Variants in AGTPBP1 observed in about 807,000 individuals in gnomAD.
The protein encoded by AGTPBP1 is ATP/GTP binding carboxypeptidase 1.
In AGTPBP1, 70 loss-of-function variants were observed where a neutral mutation model predicts 143.9. The observed-to-expected ratio is 0.49, with a 90% CI of 0.40 to 0.59. AGTPBP1 has a LOEUF of 0.59. Ranked by LOEUF, AGTPBP1 falls within the 20% of genes least tolerant of loss-of-function variation. The pLI is 0.00. For synonymous variants in AGTPBP1, 463 were observed against 500.2 expected (o/e 0.93, Z 0.99); for missense variants, 1,229 against 1,464.5 (o/e 0.84, Z 2.62).
At chr9:85,790,773 G>A in the AGTPBP1 span, among the ~76,000 whole-genome samples, 1 of 152,056 alleles carries the variant, frequency 6.6e-6, no homozygotes, top group Non-Finnish European at 1.5e-5. Flanking sequence ...CAGCTCTATT[G>A]AGTTATCTAC....
chr9:85,790,033 C>T, the AGTPBP1 span, among the ~76,000 whole-genome samples: 938 of 152,294 alleles, frequency 6.2e-3, 14 homozygotes, highest in African/African-American at 0.022. Context: ...CACAATTCCT[C>T]TCTCAACTTC....
the AGTPBP1 span, among the ~76,000 whole-genome samples, chr9:85,780,664 T>C: frequency 6.6e-6 from 1 of 152,082 alleles, no homozygotes; most frequent in East Asian, 1.9e-4. Context: ...TGAGGGTTGG[T>C]AGGGGGTAGG....
At chr9:85,596,069 A>G (rs938075836) in intron 18 of AGTPBP1, among the ~76,000 whole-genome samples, 4 of 152,354 alleles carry the variant, frequency 2.6e-5, no homozygotes, top group Non-Finnish European at 4.4e-5. Context: ...GTTTTATTCA[A>G]TAAAGTTTCC....
intron 2 of AGTPBP1, among the ~76,000 whole-genome samples, chr9:85,707,756 T>C (rs1837103051): frequency 6.6e-6 from 1 of 152,192 alleles, no homozygotes; most frequent in Non-Finnish European, 1.5e-5. Context: ...ATTATTGTAT[T>C]ACAGGCTAGA....
intron 25 of AGTPBP1, among the ~76,000 whole-genome samples, chr9:85,574,342 G>A (rs577154902): frequency 2.6e-5 from 4 of 152,088 alleles, no homozygotes; most frequent in Non-Finnish European, 4.4e-5. Flanking sequence ...GCGGAGGGCC[G>A]CAGGGTCCTC....
At chr9:85,702,502 A>G (rs934609055) in intron 2 of AGTPBP1, among the ~76,000 whole-genome samples, 1 of 151,074 alleles carries the variant, frequency 6.6e-6, no homozygotes, top group Non-Finnish European at 1.5e-5. Flanking sequence ...CTGACTCACA[A>G]TATCATCTCT....
chr9:85,657,686 G>GA, intron 9 of AGTPBP1, 43 bp from the exon 10 acceptor site: 2 of 1,424,328 alleles, frequency 1.4e-6, no homozygotes, highest in Non-Finnish European at 1.9e-6. Flanking sequence ...TTTAAATGAC[G>GA]AGAGTGAGTG....
the AGTPBP1 span, among the ~76,000 whole-genome samples, chr9:85,773,283 A>G: frequency 3.0e-3 from 418 of 140,264 alleles, no homozygotes; most frequent in African/African-American, 4.9e-3. Flanking sequence ...AAAAAAAAAA[A>G]AAAGAAAGTG....
At chr9:85,624,229 C>T (rs1831129736) in intron 14 of AGTPBP1, among the ~76,000 whole-genome samples, 1 of 152,114 alleles carries the variant, frequency 6.6e-6, no homozygotes, top group Admixed American at 6.6e-5. Context: ...GATTCAAGAT[C>T]ATCTTCTTTA....
At chr9:85,726,509 T>C (rs1250541998) in intron 1 of AGTPBP1, among the ~76,000 whole-genome samples, 1 of 152,190 alleles carries the variant, frequency 6.6e-6, no homozygotes, top group African/African-American at 2.4e-5. Context: ...AAAATTCCAG[T>C]AAGGTTGGTA....
intron 22 of AGTPBP1, among the ~76,000 whole-genome samples, chr9:85,586,552 C>T (rs1023203772): frequency 1.8e-4 from 28 of 152,242 alleles, no homozygotes; most frequent in Admixed American, 1.2e-3. Context: ...CAGAAATAAG[C>T]TTCTAGTTTG....
At chr9:85,569,212 C>A (rs1350831051) in intron 25 of AGTPBP1, among the ~76,000 whole-genome samples, 2 of 152,088 alleles carry the variant, frequency 1.3e-5, no homozygotes, top group Non-Finnish European at 2.9e-5. Context: ...TTAGTGATCA[C>A]TGATGCAGAG....
At chr9:85,680,981 C>T (rs187477960) in intron 4 of AGTPBP1, among the ~76,000 whole-genome samples, 2 of 152,234 alleles carry the variant, frequency 1.3e-5, no homozygotes, top group East Asian at 1.9e-4. Context: ...GTTAGGATTA[C>T]AATTTACAGT....
At chr9:85,617,611 C>G (rs2133505060) in intron 17 of AGTPBP1, among the ~76,000 whole-genome samples, 1 of 152,128 alleles carries the variant, frequency 6.6e-6, no homozygotes, top group African/African-American at 2.4e-5. Flanking sequence ...GTGGGTACAA[C>G]TCAAGAGTTT....
intron 25 of AGTPBP1, among the ~76,000 whole-genome samples, chr9:85,552,401 A>G (rs894338034): frequency 3.9e-5 from 6 of 152,238 alleles, no homozygotes; most frequent in African/African-American, 1.4e-4. Context: ...AATTTATGCC[A>G]TCTCCTTCCA....
At chr9:85,681,145 G>A (rs912330881) in intron 4 of AGTPBP1, 123 bp downstream of exon 4, 14 of 817,342 alleles carry the variant, frequency 1.7e-5, no homozygotes, top group Non-Finnish European at 2.7e-5. Flanking sequence ...ACATATACGT[G>A]TGTGTGTATA....
intron 1 of AGTPBP1, among the ~76,000 whole-genome samples, chr9:85,740,170 A>G (rs1473095557): frequency 6.6e-6 from 1 of 152,234 alleles, no homozygotes; most frequent in Non-Finnish European, 1.5e-5. Flanking sequence ...TGCTTCTACA[A>G]AAGTTTAATT....
At chr9:85,682,040 G>T (rs1263471694) in intron 3 of AGTPBP1, among the ~76,000 whole-genome samples, 6 of 151,656 alleles carry the variant, frequency 4.0e-5, no homozygotes, top group East Asian at 3.9e-4. Flanking sequence ...GAGCCACCAT[G>T]CCCGACCTGT....
At chr9:85,625,175 T>C (rs1009281627) in intron 14 of AGTPBP1, among the ~76,000 whole-genome samples, 8 of 152,354 alleles carry the variant, frequency 5.3e-5, no homozygotes, top group Admixed American at 2.6e-4. Flanking sequence ...TTCCCAGATG[T>C]GGGACTGACA....
Sources: allele counts gnomAD v4.1 joint callset (sites outside exome capture counted in the v4.1 genomes callset), GRCh38; gene constraint gnomAD v4.1.1; transcripts MANE v1.5; gene names NCBI Gene and HGNC (gene_info 2026-07-23, HGNC 2026-07-21).